SEMA6D: variants seen among roughly 807,000 people sequenced by gnomAD.
SEMA6D encodes the protein semaphorin-6D.
In SEMA6D, 35 loss-of-function variants were observed where a neutral mutation model predicts 106.6. The observed-to-expected ratio is 0.33, with a 90% CI of 0.25 to 0.44. The LOEUF (loss-of-function observed/expected upper bound fraction) is 0.44. SEMA6D is among the 20% of genes least tolerant of loss of function. SEMA6D has a pLI of 1.00. For missense variants in SEMA6D, 1,185 were observed against 1,345.9 expected (o/e 0.88, Z 1.87); for synonymous variants, 499 against 487.7 (o/e 1.02, Z -0.31).
intron 3 of SEMA6D, among the ~76,000 whole-genome samples, chr15:47,590,433 G>T (rs910309322): frequency 2.6e-5 from 4 of 152,114 alleles, no homozygotes; most frequent in Admixed American, 6.5e-5. Flanking sequence ...TAACGTAAAT[G>T]ATGAGTTGAT....
chr15:47,311,733 A>G (rs2036454276), intron 1 of SEMA6D, among the ~76,000 whole-genome samples: 1 of 152,224 alleles, frequency 6.6e-6, no homozygotes, highest in Non-Finnish European at 1.5e-5. Flanking sequence ...CACAGCAGTT[A>G]ACAACAAAAG....
intron 1 of SEMA6D, among the ~76,000 whole-genome samples, chr15:47,277,071 G>A (rs2034851441): frequency 6.6e-6 from 1 of 152,072 alleles, no homozygotes; most frequent in Non-Finnish European, 1.5e-5. Flanking sequence ...TAGACATGAA[G>A]CCTGAAGCTG....
intron 1 of SEMA6D, among the ~76,000 whole-genome samples, chr15:47,371,236 C>A (rs2145401872): frequency 6.6e-6 from 1 of 152,296 alleles, no homozygotes; most frequent in Non-Finnish European, 1.5e-5. Context: ...TTGTAATGCT[C>A]ATTCATTACA....
intron 4 of SEMA6D, among the ~76,000 whole-genome samples, chr15:47,606,968 C>G (rs1391904286): frequency 2.0e-5 from 3 of 152,108 alleles, no homozygotes; most frequent in Non-Finnish European, 2.9e-5. Flanking sequence ...TGAATTGTGC[C>G]ATGACCTCCA....
At chr15:47,580,936 T>C (rs1256026351) in intron 3 of SEMA6D, among the ~76,000 whole-genome samples, 1 of 152,182 alleles carries the variant, frequency 6.6e-6, no homozygotes, top group Non-Finnish European at 1.5e-5. Context: ...CTGAGTCACA[T>C]AGGAATATAC....
intron 2 of SEMA6D, among the ~76,000 whole-genome samples, chr15:47,454,264 T>C (rs1262763436): frequency 6.6e-6 from 1 of 152,002 alleles, no homozygotes; most frequent in African/African-American, 2.4e-5. Context: ...TTTCTACCCA[T>C]TAGTACTCCT....
intron 1 of SEMA6D, among the ~76,000 whole-genome samples, chr15:47,213,377 A>C (rs1442054913): frequency 6.6e-6 from 1 of 152,208 alleles, no homozygotes; most frequent in Non-Finnish European, 1.5e-5. Context: ...AAATAACCAC[A>C]GATGACCAGC....
At chr15:47,760,621 A>G (rs1328364186) in intron 3 of SEMA6D, among the ~76,000 whole-genome samples, 1 of 152,086 alleles carries the variant, frequency 6.6e-6, no homozygotes, top group Non-Finnish European at 1.5e-5. Context: ...TATTACTGCC[A>G]TCAAGAAATC....
intron 4 of SEMA6D, among the ~76,000 whole-genome samples, chr15:47,607,639 G>A (rs889917187): frequency 6.6e-6 from 1 of 152,348 alleles, no homozygotes; most frequent in African/African-American, 2.4e-5. Flanking sequence ...AACAGTGCAG[G>A]CCTAATTAAG....
At chr15:47,646,308 C>A (rs1325415633) in intron 4 of SEMA6D, among the ~76,000 whole-genome samples, 1 of 152,142 alleles carries the variant, frequency 6.6e-6, no homozygotes, top group Non-Finnish European at 1.5e-5. Flanking sequence ...AGGAAACTTA[C>A]CAAATAAATA....
chr15:47,534,139 GTGTC>G (rs1368873799), intron 3 of SEMA6D, among the ~76,000 whole-genome samples: 1 of 152,058 alleles, frequency 6.6e-6, no homozygotes, highest in Non-Finnish European at 1.5e-5. Context: ...TGTACTATGT[GTGTC>G]TGTCTGTGGA....
intron 1 of SEMA6D, among the ~76,000 whole-genome samples, chr15:47,300,490 T>C (rs182414684): frequency 2.0e-4 from 30 of 152,204 alleles, no homozygotes; most frequent in African/African-American, 7.2e-4. Context: ...AAAACGTGAA[T>C]AAAACGTGTC....
chr15:47,508,177 T>C (rs1253744985), intron 3 of SEMA6D, among the ~76,000 whole-genome samples: 5 of 152,216 alleles, frequency 3.3e-5, no homozygotes, highest in African/African-American at 1.2e-4. Context: ...AACCTCAGGC[T>C]ACGGCAAGCT....
chr15:47,730,182 C>G, intron 1 of SEMA6D: 3 of 1,535,190 alleles, frequency 2.0e-6, no homozygotes, highest in Non-Finnish European at 2.7e-6. Flanking sequence ...TTTGCCTTTT[C>G]GAGCTTGGCG....
intron 1 of SEMA6D, among the ~76,000 whole-genome samples, chr15:47,308,729 T>C (rs2036326805): frequency 6.6e-6 from 1 of 152,144 alleles, no homozygotes; most frequent in Admixed American, 6.5e-5. Flanking sequence ...GAAATAAAAA[T>C]GTTGCCCATT....
chr15:47,293,060 C>A (rs1045785127), intron 1 of SEMA6D, among the ~76,000 whole-genome samples: 1 of 152,256 alleles, frequency 6.6e-6, no homozygotes, highest in Non-Finnish European at 1.5e-5. Flanking sequence ...TAGAATGACT[C>A]AATTCTTGGA....
chr15:47,503,704 C>T (rs2043939640), intron 3 of SEMA6D, among the ~76,000 whole-genome samples: 1 of 152,028 alleles, frequency 6.6e-6, no homozygotes, highest in Non-Finnish European at 1.5e-5. Flanking sequence ...CACACACACA[C>T]ACACACACAC....
intron 1 of SEMA6D, among the ~76,000 whole-genome samples, chr15:47,409,004 A>G (rs1284592167): frequency 6.6e-6 from 1 of 152,210 alleles, no homozygotes; most frequent in Non-Finnish European, 1.5e-5. Context: ...CTTTGGATAA[A>G]TAGATTAGTA....
intron 1 of SEMA6D, among the ~76,000 whole-genome samples, chr15:47,311,758 A>G (rs1412313856): frequency 6.6e-6 from 1 of 152,200 alleles, no homozygotes; most frequent in East Asian, 1.9e-4. Flanking sequence ...GGAGTACCCT[A>G]GGCTGTTCAT....
Sources: gnomAD v4.1 joint callset for allele counts (sites outside exome capture counted in the v4.1 genomes callset) on GRCh38, gnomAD v4.1.1 for gene constraint, MANE v1.5 for transcripts, NCBI Gene and HGNC (gene_info 2026-07-23, HGNC 2026-07-21) for gene names.